DOCK3: variants seen among roughly 807,000 people sequenced by gnomAD.
DOCK3 encodes the protein dedicator of cytokinesis 3.
In DOCK3, 60 loss-of-function variants were observed where a neutral mutation model predicts 265.6. The ratio of observed to expected loss-of-function variants is 0.23; its 90% CI spans 0.18 to 0.28. DOCK3 has a LOEUF of 0.28. Ranked by LOEUF, DOCK3 falls within the 10% of genes least tolerant of loss-of-function variation. The pLI, the probability that DOCK3 is intolerant of heterozygous loss-of-function variation, is 1.00. For missense variants in DOCK3, 1,981 were observed against 2,594.3 expected (o/e 0.76, Z 5.14); for synonymous variants, 881 against 938.0 (o/e 0.94, Z 1.11).
At chr3:50,713,002 C>T (rs1664167952) in intron 1 of DOCK3, among the ~76,000 whole-genome samples, 1 of 152,072 alleles carries the variant, frequency 6.6e-6, no homozygotes, top group African/African-American at 2.4e-5. Flanking sequence ...TGGTTCTTTC[C>T]CAGTTCTTGG....
At chr3:50,874,488 A>G (rs1332892125) in intron 3 of DOCK3, among the ~76,000 whole-genome samples, 11 of 151,684 alleles carry the variant, frequency 7.3e-5, no homozygotes. Flanking sequence ...TGGTGATGAA[A>G]TGGGACCCTG....
chr3:50,719,268 C>CTTTTTTT (rs71084106), intron 1 of DOCK3, among the ~76,000 whole-genome samples: 4 of 138,616 alleles, frequency 2.9e-5, no homozygotes, highest in East Asian at 2.1e-4. Flanking sequence ...TAGATATTTT[C>CTTTTTTT]TTTTTTTTTT....
chr3:51,331,926 A>T lies in DOCK3; in HGVS notation c.3489-1075A>T, dbSNP rs2084546086. On this transcript the variant is annotated intron_variant, in intron 33 of 52. Transcript: ENST00000266037. The stretch of plus-strand genomic sequence containing the variant: ...TAGGACAGAGACCTCTGTAGAACAC[A>T]TTTGAAAAATGCTGGTACATTTCTC... 2.6e-5 allele frequency among the ~76,000 whole-genome samples: 4 copies of T among 152,378 alleles called. No individual in the cohort carries two copies. The South Asian group carries it at 8.3e-4, about 32-fold the overall frequency.
intron 7 of DOCK3, among the ~76,000 whole-genome samples, chr3:51,086,797 A>C (rs867834207): frequency 6.6e-6 from 1 of 152,158 alleles, no homozygotes; most frequent in Non-Finnish European, 1.5e-5. Flanking sequence ...GACTCATCCC[A>C]AAAACAAAAC....
chr3:51,090,486 C>A, intron 9 of DOCK3, 102 bp downstream of exon 9: 1 of 1,237,816 alleles, frequency 8.1e-7, no homozygotes, highest in Non-Finnish European at 1.1e-6. Context: ...AGAGGCAAAA[C>A]AAGATAAAGT....
In DOCK3 at chr3:51,022,645, A is replaced by G. The variant is rs991181617; in HGVS notation, c.316-41803A>G. Among the ~76,000 whole-genome samples the G allele has an allele frequency of 2.0e-5, 3 of 152,090 alleles. No individual in the cohort carries two copies. The East Asian group carries it at 5.8e-4, about 29-fold the overall frequency. ...TTTGTGGGATGTATAGTTTGCAAGTATTTTCTCCCATTCTATAGGTTTCTT... is the reference window on the plus strand; with the variant it reads ...TTTGTGGGATGTATAGTTTGCAAGTGTTTTCTCCCATTCTATAGGTTTCTT... On this transcript the variant is annotated intron_variant, in intron 5 of 52. Transcript: ENST00000266037.
chr3:51,220,683 A>ATGTGTG (rs1289851107), intron 14 of DOCK3, among the ~76,000 whole-genome samples: 36 of 37,988 alleles, frequency 9.5e-4, no homozygotes, highest in Non-Finnish European at 2.0e-3. Context: ...ATATATATAT[A>ATGTGTG]TATATGTGTG....
intron 7 of DOCK3, among the ~76,000 whole-genome samples, chr3:51,086,033 A>C (rs2082407466): frequency 6.6e-6 from 1 of 152,210 alleles, no homozygotes; most frequent in Non-Finnish European, 1.5e-5. Flanking sequence ...GTGGAGTGGG[A>C]AATCAGGAGT....
intron 1 of DOCK3, among the ~76,000 whole-genome samples, chr3:50,724,784 A>G (rs2037709649): frequency 1.3e-5 from 2 of 152,286 alleles, no homozygotes; most frequent in African/African-American, 4.8e-5. Context: ...ATGTATACCT[A>G]TGTAGCAAAC....
At chr3:50,714,704 T>C (rs2036990580) in intron 1 of DOCK3, among the ~76,000 whole-genome samples, 1 of 152,204 alleles carries the variant, frequency 6.6e-6, no homozygotes, top group Non-Finnish European at 1.5e-5. Flanking sequence ...CCTAATGTGC[T>C]GAGATTACAG....
At chr3:50,714,583 G>C (rs895642532) in intron 1 of DOCK3, among the ~76,000 whole-genome samples, 5 of 152,154 alleles carry the variant, frequency 3.3e-5, no homozygotes, top group African/African-American at 1.2e-4. Flanking sequence ...CTGGGCTCAA[G>C]GGACTGTAGA....
intron 1 of DOCK3, among the ~76,000 whole-genome samples, chr3:50,693,567 A>C (rs1416332939): frequency 9.0e-6 from 1 of 111,218 alleles, no homozygotes; most frequent in Non-Finnish European, 1.7e-5. Flanking sequence ...ACAGAGTCTC[A>C]CTCTGTCGCC....
chr3:51,270,671 G>GATC, intron 23 of DOCK3, 144 bp from the exon 24 acceptor site: 1 of 770,208 alleles, frequency 1.3e-6, no homozygotes, highest in South Asian at 2.1e-5. Context: ...GAGTGCTGTA[G>GATC]TCAGTGGCCA....
At chr3:51,241,526 G>T (rs1194607591) in intron 21 of DOCK3, among the ~76,000 whole-genome samples, 3 of 152,132 alleles carry the variant, frequency 2.0e-5, no homozygotes, top group Non-Finnish European at 4.4e-5. Flanking sequence ...TTCTAAGTTG[G>T]TTCCATTCTC....
chr3:50,854,345 C>T (rs1046234243), intron 3 of DOCK3, among the ~76,000 whole-genome samples: 3 of 151,074 alleles, frequency 2.0e-5, no homozygotes, highest in Admixed American at 2.0e-4. Context: ...TTCATATTTG[C>T]TCTTAAAGTC....
At chr3:50,731,005 G>A (rs2038175066) in intron 1 of DOCK3, among the ~76,000 whole-genome samples, 1 of 150,696 alleles carries the variant, frequency 6.6e-6, no homozygotes, top group African/African-American at 2.4e-5. Flanking sequence ...GGTGGTGGGC[G>A]CCTATAGTCC....
intron 6 of DOCK3, among the ~76,000 whole-genome samples, chr3:51,071,207 G>C (rs1270979851): frequency 6.6e-6 from 1 of 152,274 alleles, no homozygotes; most frequent in East Asian, 1.9e-4. Flanking sequence ...ATTGGGTCAG[G>C]ATTATGTCCC....
chr3:50,722,654 G>A (rs901290285), intron 1 of DOCK3, among the ~76,000 whole-genome samples: 1 of 152,096 alleles, frequency 6.6e-6, no homozygotes. Context: ...CTTACAGATG[G>A]CCCAGGTGTT....
rs1306988601 is a variant in DOCK3 at position 51,312,059 on chromosome 3, G to A, written c.3073G>A (p.Glu1025Lys). Residue 1025 changes from glutamate to lysine, a missense_variant, in exon 29 of 53, where the codon GAG becomes AAG. Glu to Lys is a moderately conservative substitution (Grantham distance 56, BLOSUM62 1). Around this residue, in one of 4 missense-constraint regions of DOCK3, gnomAD observed 1,357 missense variants for 1,866.8 expected, o/e 0.73. Transcript: ENST00000266037. ...CTCTGCACTGCACAAGAATTTCACAGAGACTGACTTTGACTTTAAGGTAGG... is the reference window on the plus strand; with the variant it reads ...CTCTGCACTGCACAAGAATTTCACAAAGACTGACTTTGACTTTAAGGTAGG... Reference protein sequence around the residue: ...LSSALHKNFTETDFDFKVWNS... With the variant: ...LSSALHKNFTKTDFDFKVWNS... The A allele has an allele frequency of 1.2e-6, 2 of 1,605,358 alleles. No individual in the cohort carries two copies. Among genetic ancestry groups the A allele is most frequent in the Non-Finnish European group, 1.7e-6 (2 of 1,175,654 alleles).
Sources: allele counts gnomAD v4.1 joint callset (sites outside exome capture counted in the v4.1 genomes callset), GRCh38; gene constraint gnomAD v4.1.1; regional missense constraint gnomAD v4.1.1; transcripts MANE v1.5; gene names NCBI Gene and HGNC (gene_info 2026-07-23, HGNC 2026-07-21).